The following GLI3 variants were observed in gnomAD, a reference collection of about 807,000 sequenced individuals.
GLI3 encodes GLI family zinc finger 3.
In GLI3, 20 loss-of-function variants were observed where a neutral mutation model predicts 100.8. The ratio of observed to expected loss-of-function variants is 0.20; its 90% CI spans 0.14 to 0.29. The LOEUF is 0.29. Ranked by LOEUF, GLI3 falls within the 10% of genes least tolerant of loss-of-function variation. The pLI is 1.00. For synonymous variants in GLI3, 938 were observed against 860.5 expected (o/e 1.09, Z -1.58); for missense variants, 2,040 against 2,128.5 (o/e 0.96, Z 0.82).
intron 4 of GLI3, among the ~76,000 whole-genome samples, chr7:42,061,815 A>T (rs781520602): frequency 5.3e-5 from 8 of 152,206 alleles, no homozygotes; most frequent in Non-Finnish European, 8.8e-5. Context: ...TCAACAGAAA[A>T]GCAGCATCAA....
intron 4 of GLI3, among the ~76,000 whole-genome samples, chr7:42,065,798 C>T (rs1389372548): frequency 2.6e-5 from 4 of 152,074 alleles, no homozygotes; most frequent in African/African-American, 7.2e-5. Context: ...CCTGAACTAC[C>T]CTCCTTCAAT....
In GLI3 at chr7:42,023,669, G is replaced by A. The variant is rs184091899; in HGVS notation, c.1357-61C>T. The stretch of plus-strand genomic sequence containing the variant: ...GGGGGAAGAATCAGACACAACAGGA[G>A]GGAAGACAAGAAGAGAAAGTAAAAA... On this transcript the variant is annotated intron_variant, in intron 9 of 14. Transcript: ENST00000395925. 6.7e-6 allele frequency: 10 copies of A among 1,494,000 alleles called. No homozygotes were observed. In the East Asian group the frequency reaches 2.3e-4, roughly 34 times the overall value. The allele number at this position is 1,494,000 out of a possible 1,614,324, so 92.5% of individuals were successfully genotyped here.
At position 42,026,345 on chromosome 7, in the gene GLI3, G is replaced by C; in HGVS notation, c.1096C>G (p.Arg366Gly). ...SLHMHQQILS[R>G]QQSLGSAFGH... is the part of the protein sequence containing the mutation. ...AAGGCTGAACCTAAGCTCTGTTGTC[G>C]GCTTAGGATCTGCTGATGCATGTGG... The change falls in exon 8 of 15, where the codon CGA (arginine) becomes GGA (glycine). Residue 366 changes from arginine to glycine, a missense_variant. Physicochemically the swap from Arg to Gly is moderately radical, Grantham distance 125 (BLOSUM62 -2). Around this residue, in one of 5 missense-constraint regions of GLI3, gnomAD observed 603 missense variants for 690.9 expected, o/e 0.87. Transcript: ENST00000395925. 6.2e-7 allele frequency: 1 copy of C among 1,614,114 alleles called. No homozygotes were observed. Among genetic ancestry groups the C allele is most frequent in the Non-Finnish European group, 8.5e-7 (1 of 1,179,988 alleles).
chr7:42,097,960 G>A (rs1583555060), intron 3 of GLI3, among the ~76,000 whole-genome samples: 1 of 152,230 alleles, frequency 6.6e-6, no homozygotes, highest in South Asian at 2.1e-4. Flanking sequence ...CAAATCCCAT[G>A]ACAATCCCAG....
chr7:42,252,918 T>G (rs1444416055), intron 1 of GLI3, among the ~76,000 whole-genome samples: 1 of 152,196 alleles, frequency 6.6e-6, no homozygotes, highest in Non-Finnish European at 1.5e-5. Context: ...ACATTTAAAA[T>G]GTTTTATTTT....
chr7:42,102,071 A>C (rs1296910597), intron 3 of GLI3, among the ~76,000 whole-genome samples: 1 of 151,746 alleles, frequency 6.6e-6, no homozygotes, highest in African/African-American at 2.4e-5. Context: ...ACATTTTCTT[A>C]ATCCAGTCTA....
intron 10 of GLI3, among the ~76,000 whole-genome samples, chr7:41,988,158 G>T (rs939378548): frequency 7.9e-5 from 12 of 152,328 alleles, no homozygotes; most frequent in Admixed American, 7.8e-4. Context: ...ACCAGTGTGG[G>T]TGTATTAAGA....
chr7:42,201,463 A>G (rs915249088), intron 2 of GLI3, among the ~76,000 whole-genome samples: 2 of 152,206 alleles, frequency 1.3e-5, no homozygotes, highest in African/African-American at 4.8e-5. Context: ...GCCACAAATC[A>G]TGATATAGAA....
chr7:42,016,176 G>T (rs1315766752), intron 10 of GLI3, among the ~76,000 whole-genome samples: 1 of 152,106 alleles, frequency 6.6e-6, no homozygotes, highest in Non-Finnish European at 1.5e-5. Context: ...CCTTGGTTTG[G>T]TGTAACCACC....
Position 42,059,605 on chromosome 7 carries a change from G to A in GLI3, c.474-10909C>T, listed in dbSNP as rs141339134. Among the ~76,000 whole-genome samples the A allele has an allele frequency of 2.5e-3, 384 of 152,242 alleles. 1 individual carries two copies. The highest frequency in any genetic ancestry group is 8.4e-3 in the African/African-American group (350 of 41,544). ...CCACCTTGATGAGGAAACAGCTGTC[G>A]CTGTCAAAAGAGACATTCATATGTC... On this transcript the variant is annotated intron_variant, in intron 4 of 14. Coordinates refer to ENST00000395925, the MANE Select transcript of GLI3 (RefSeq NM_000168.6).
At chr7:42,204,806 C>T (rs903437084) in intron 2 of GLI3, among the ~76,000 whole-genome samples, 2 of 152,098 alleles carry the variant, frequency 1.3e-5, no homozygotes, top group African/African-American at 4.8e-5. Flanking sequence ...CAGGTCTAGA[C>T]ATGAAAAGTT....
At chr7:42,250,773 C>A (rs952838063) in intron 1 of GLI3, among the ~76,000 whole-genome samples, 6 of 152,286 alleles carry the variant, frequency 3.9e-5, no homozygotes, top group South Asian at 2.1e-4. Context: ...GGTGGGGGGG[C>A]TGCCATTTTC....
intron 3 of GLI3, among the ~76,000 whole-genome samples, chr7:42,081,919 G>A (rs917697617): frequency 4.6e-5 from 7 of 152,090 alleles, no homozygotes; most frequent in Admixed American, 1.3e-4. Flanking sequence ...TTTAAATACT[G>A]AAGTCGTCTG....
At chr7:42,016,243 C>T (rs924599720) in intron 10 of GLI3, among the ~76,000 whole-genome samples, 1 of 152,154 alleles carries the variant, frequency 6.6e-6, no homozygotes, top group African/African-American at 2.4e-5. Flanking sequence ...GGAATCTCCG[C>T]ACTGCAGAAA....
intron 2 of GLI3, among the ~76,000 whole-genome samples, chr7:42,185,821 G>A (rs1000732249): frequency 6.6e-6 from 1 of 152,176 alleles, no homozygotes; most frequent in Non-Finnish European, 1.5e-5. Flanking sequence ...ACTTTCCTGG[G>A]TTGACCATTT....
intron 3 of GLI3, among the ~76,000 whole-genome samples, chr7:42,120,731 C>T (rs1490916651): frequency 6.6e-6 from 1 of 152,192 alleles, no homozygotes; most frequent in African/African-American, 2.4e-5. Context: ...TCTTACTTAA[C>T]TTGGAATTGG....
chr7:42,223,330 A>T (rs1788524074), intron 1 of GLI3, 35 bp from the exon 2 acceptor site: 1 of 1,184,590 alleles, frequency 8.4e-7, no homozygotes, highest in Non-Finnish European at 1.2e-6. Context: ...ACTTTCCAAA[A>T]TGGTGGAAAA....
At position 41,964,612 on chromosome 7, in the gene GLI3, C is replaced by G; in HGVS notation, c.4461G>C (p.Val1487=). 1 of 1,614,176 alleles carries G rather than the reference C, an allele frequency of 6.2e-7. No individual in the cohort carries two copies. Among genetic ancestry groups the G allele is most frequent in the South Asian group, 1.1e-5 (1 of 91,088 alleles). The part of the protein sequence containing the change: ...SELLSPGANQ[V]TSTVDSLDSH... ...TGTCGAGGCTGTCCACTGTGCTTGTCACCTGATTAGCACCTGGGGAAAGTA... is the reference window on the plus strand; with the variant it reads ...TGTCGAGGCTGTCCACTGTGCTTGTGACCTGATTAGCACCTGGGGAAAGTA... Residue 1487 remains valine (V), a synonymous_variant, in exon 15 of 15, where the codon GTG becomes GTC. Transcript: ENST00000395925.
chr7:42,234,960 C>T (rs528031922), intron 1 of GLI3, among the ~76,000 whole-genome samples: 1 of 152,228 alleles, frequency 6.6e-6, no homozygotes, highest in East Asian at 1.9e-4. Context: ...GTTTGTGTAC[C>T]AGGTCGTTAA....
Sources: allele counts gnomAD v4.1 joint callset (sites outside exome capture counted in the v4.1 genomes callset), GRCh38; gene constraint gnomAD v4.1.1; regional missense constraint gnomAD v4.1.1; transcripts MANE v1.5; gene names NCBI Gene and HGNC (gene_info 2026-07-23, HGNC 2026-07-21).